Variants in ZC2HC1B observed in about 807,000 individuals in gnomAD.
The protein encoded by ZC2HC1B is zinc finger C2HC domain-containing protein 1B.
In ZC2HC1B, 36 loss-of-function variants were observed where a neutral mutation model predicts 31.0. The ratio of observed to expected loss-of-function variants is 1.16; its 90% CI spans 0.89 to 1.54. The LOEUF (loss-of-function observed/expected upper bound fraction) is 1.54. ZC2HC1B is among the 40% of genes most tolerant of loss of function. ZC2HC1B has a pLI of 0.00. For missense variants in ZC2HC1B, 260 were observed against 268.6 expected, an observed-to-expected ratio of 0.97 and a Z score of 0.22; for synonymous variants, 73 against 88.0, an observed-to-expected ratio of 0.83 and a Z score of 0.95.
Position 143,937,744 on chromosome 6 carries a change from A to G in ZC2HC1B, c.*14+11A>G, listed in dbSNP as rs45560534. 55,064 of 1,533,600 alleles carry G rather than the reference A, an allele frequency of 0.036. 1,189 individuals carry two copies. The highest frequency in any genetic ancestry group is 0.081 in the Middle Eastern group (482 of 5,936). The allele number at this position is 1,533,600 out of a possible 1,614,324, so 95.0% of individuals were successfully genotyped here. Reference sequence around the variant, plus strand: ...ACTCCTAGAAGCCAGGTAAGAAAAAAAAATCACCGCTAATCCAGCTGTTGC... The same window carrying G: ...ACTCCTAGAAGCCAGGTAAGAAAAAGAAATCACCGCTAATCCAGCTGTTGC... On this transcript the variant is annotated intron_variant, in intron 7 of 7. Transcript: ENST00000237275.
At chr6:143,896,286 G>A (rs1400692843) in intron 4 of ZC2HC1B, among the ~76,000 whole-genome samples, 3 of 152,208 alleles carry the variant, frequency 2.0e-5, no homozygotes, top group African/African-American at 7.2e-5. Flanking sequence ...ACAGAAGGGT[G>A]GCAGTGAGTG....
chr6:143,893,981 C>A (rs188406038), intron 4 of ZC2HC1B, among the ~76,000 whole-genome samples: 1 of 152,112 alleles, frequency 6.6e-6, no homozygotes, highest in East Asian at 1.9e-4. Context: ...CCACCGCGCC[C>A]GGCCTGCACT....
At position 143,869,282 on chromosome 6, in the gene ZC2HC1B, T is replaced by C. The variant is rs1251091430; in HGVS notation, c.28+4715T>C. On this transcript the variant is annotated intron_variant, in intron 1 of 7. Coordinates refer to ENST00000237275, the MANE Select transcript of ZC2HC1B (RefSeq NM_001013623.3). This position sits in a 1 kb window ranked among gnomAD's most constrained non-coding sequence, Gnocchi z 5.2. ...ACTCTTCCTTACCTCTGTTGTGGAG[T>C]AGTAGAGCATACACGATCTTCTGGA... 6.6e-6 allele frequency among the ~76,000 whole-genome samples: 1 copy of C among 152,122 alleles called. No individual in the cohort carries two copies. The highest frequency in any genetic ancestry group is 1.5e-5 in the Non-Finnish European group (1 of 68,018).
intron 1 of ZC2HC1B, among the ~76,000 whole-genome samples, chr6:143,874,747 C>T (rs902006634): frequency 6.6e-6 from 1 of 152,204 alleles, no homozygotes; most frequent in African/African-American, 2.4e-5. Flanking sequence ...CCTCCCACAA[C>T]ATGTGGTAAT....
In ZC2HC1B at chr6:143,886,606, A is replaced by C; in HGVS notation, c.211-77A>C. The C allele has an allele frequency of 7.5e-7, 1 of 1,329,396 alleles. No individual in the cohort carries two copies. The highest frequency in any genetic ancestry group is 9.7e-7 in the Non-Finnish European group (1 of 1,025,946). 82.4% of individuals were successfully genotyped at this position (1,329,396 alleles called of 1,614,324 possible). A position where few individuals can be genotyped will look rare whatever the true frequency, so the allele number is the denominator to read the frequency against. On this transcript the variant is annotated intron_variant, in intron 3 of 7. Transcript: ENST00000237275. The surrounding 1 kb of genome is among the most constrained non-coding windows in gnomAD (Gnocchi z 4.2). Reference sequence around the variant, plus strand: ...TCACAGTTCTGTTTCCTGTGAATTCAAATTCCAGCTTTAAACAAAATTGTA... The same window carrying C: ...TCACAGTTCTGTTTCCTGTGAATTCCAATTCCAGCTTTAAACAAAATTGTA...
chr6:143,900,111 TG>T (rs1182480557), intron 5 of ZC2HC1B, among the ~76,000 whole-genome samples: 1 of 151,974 alleles, frequency 6.6e-6, no homozygotes, highest in East Asian at 1.9e-4. Context: ...TACAGGGTGC[TG>T]GGTGTGGTGG....
In ZC2HC1B at chr6:143,886,884, C is replaced by G; in HGVS notation, c.349+63C>G. ...TGACTTTTGACCAAATCATCATGCC[C>G]TCTATGCACTCTGAAATTGACAATA... is the stretch of plus-strand genomic sequence containing the variant. On this transcript the variant is annotated intron_variant, in intron 4 of 7. Coordinates refer to ENST00000237275, the MANE Select transcript of ZC2HC1B (RefSeq NM_001013623.3). The surrounding 1 kb of genome is among the most constrained non-coding windows in gnomAD (Gnocchi z 4.2). The G allele has an allele frequency of 1.5e-6, 2 of 1,302,036 alleles. No individual in the cohort carries two copies. The highest frequency in any genetic ancestry group is 2.0e-6 in the Non-Finnish European group (2 of 1,001,438). The allele number at this position is 1,302,036 out of a possible 1,614,324, so 80.7% of individuals were successfully genotyped here. A position where few individuals can be genotyped will look rare whatever the true frequency, so the allele number is the denominator to read the frequency against.
At chr6:143,936,271 G>A (rs1778176942) in intron 6 of ZC2HC1B, among the ~76,000 whole-genome samples, 1 of 152,122 alleles carries the variant, frequency 6.6e-6, no homozygotes, top group African/African-American at 2.4e-5. Flanking sequence ...ACTGGCGTAT[G>A]AACTCATTTA....
At chr6:143,931,338 T>C (rs1778116105) in intron 6 of ZC2HC1B, among the ~76,000 whole-genome samples, 1 of 152,232 alleles carries the variant, frequency 6.6e-6, no homozygotes, top group Non-Finnish European at 1.5e-5. Flanking sequence ...TACTGTTTTA[T>C]TCTTCATGCT....
chr6:143,912,226 G>A (rs1386650601), intron 6 of ZC2HC1B, among the ~76,000 whole-genome samples: 1 of 152,056 alleles, frequency 6.6e-6, no homozygotes, highest in Non-Finnish European at 1.5e-5. Flanking sequence ...TTTTATCTCA[G>A]CGAAGTTTAT....
intron 6 of ZC2HC1B, among the ~76,000 whole-genome samples, chr6:143,906,810 A>T (rs993735503): frequency 6.6e-6 from 1 of 151,616 alleles, no homozygotes; most frequent in Admixed American, 6.6e-5. Flanking sequence ...GTTCAGGGGT[A>T]CATGTGCAGG....
rs887167109 is a variant in ZC2HC1B at position 143,911,045 on chromosome 6, G to A, written c.598+7893G>A. Reference sequence around the variant, plus strand: ...TAGGATTACAGGCATGAGCCACTGCGCCCAGCCCTTTGTTGGTTTAAAGCC... The same window carrying A: ...TAGGATTACAGGCATGAGCCACTGCACCCAGCCCTTTGTTGGTTTAAAGCC... On this transcript the variant is annotated intron_variant, in intron 6 of 7. Coordinates refer to ENST00000237275, the MANE Select transcript of ZC2HC1B (RefSeq NM_001013623.3). This position sits in a 1 kb window ranked among gnomAD's most constrained non-coding sequence, Gnocchi z 4.5. Among the ~76,000 whole-genome samples the A allele has an allele frequency of 2.6e-5, 4 of 152,126 alleles. No individual in the cohort carries two copies. Among genetic ancestry groups the A allele is most frequent in the Non-Finnish European group, 4.4e-5 (3 of 68,018 alleles).
Position 143,886,272 on chromosome 6 carries a change from A to G in ZC2HC1B, c.210+121A>G. ...CAGTAATGTAATGTAACTGTAATCC[A>G]CCTTTACTTTTTTCTTTATAATCTT... On this transcript the variant is annotated intron_variant, in intron 3 of 7. Transcript: ENST00000237275. This position sits in a 1 kb window ranked among gnomAD's most constrained non-coding sequence, Gnocchi z 4.2. The G allele has an allele frequency of 9.0e-7, 1 of 1,116,284 alleles. No individual in the cohort carries two copies. Among genetic ancestry groups the G allele is most frequent in the Non-Finnish European group, 1.2e-6 (1 of 865,082 alleles). The allele number at this position is 1,116,284 out of a possible 1,614,324, so 69.1% of individuals were successfully genotyped here. A position where few individuals can be genotyped will look rare whatever the true frequency, so the allele number is the denominator to read the frequency against.
rs1424990506 is a variant in ZC2HC1B, at chr6:143,884,718, A to T, written c.90+353A>T. On this transcript the variant is annotated intron_variant, in intron 2 of 7. Transcript: ENST00000237275. This position sits in a 1 kb window ranked among gnomAD's most constrained non-coding sequence, Gnocchi z 5.1. ...GGAAATTAGCTAGTCAAGAGGAATG[A>T]GCATTGAATTTTAGACATCTGGAAA... Among the ~76,000 whole-genome samples the T allele has an allele frequency of 6.6e-6, 1 of 152,230 alleles. No homozygotes were observed. Among genetic ancestry groups the T allele is most frequent in the Non-Finnish European group, 1.5e-5 (1 of 68,038 alleles).
rs1778153930 is a variant in ZC2HC1B at position 143,934,382 on chromosome 6, C to T, written c.599-3267C>T. On this transcript the variant is annotated intron_variant, in intron 6 of 7. Transcript: ENST00000237275. The surrounding 1 kb of genome is among the most constrained non-coding windows in gnomAD (Gnocchi z 4.6). ...CTTATCAGCCCTGTCCCCTATCTGCCATCTTCCCTCTCTTTCAATATGCTT... is the reference window on the plus strand; with the variant it reads ...CTTATCAGCCCTGTCCCCTATCTGCTATCTTCCCTCTCTTTCAATATGCTT... 6.6e-6 allele frequency among the ~76,000 whole-genome samples: 1 copy of T among 152,146 alleles called. No individual in the cohort carries two copies. Among genetic ancestry groups the T allele is most frequent in the South Asian group, 2.1e-4 (1 of 4,820 alleles).
chr6:143,926,742 T>C (rs1379773206), intron 6 of ZC2HC1B, among the ~76,000 whole-genome samples: 1 of 151,906 alleles, frequency 6.6e-6, no homozygotes, highest in Non-Finnish European at 1.5e-5. Context: ...TATTGGAGTC[T>C]ATCTCTCCCT....
At chr6:143,912,538 C>T (rs1033499942) in intron 6 of ZC2HC1B, among the ~76,000 whole-genome samples, 3 of 152,144 alleles carry the variant, frequency 2.0e-5, no homozygotes. Context: ...CCACTCTAAA[C>T]CTTAGTTTTC....
At position 143,898,630 on chromosome 6, in the gene ZC2HC1B, A is replaced by G. The variant is rs1308895508; in HGVS notation, c.428A>G (p.Gln143Arg). The part of the protein sequence containing the change: ...AERHTNFCKD[Q>R]SSRRVFNPAQ... ...CGACATACTAATTTCTGCAAGGATC[A>G]GTCTTCTCGCCGAGTCTTTAATCCA... Residue 143 changes from glutamine (Q) to arginine (R), a missense_variant, in exon 5 of 8, where the codon CAG (glutamine) becomes CGG (arginine). Coordinates refer to ENST00000237275, the MANE Select transcript of ZC2HC1B (RefSeq NM_001013623.3). The G allele has an allele frequency of 1.6e-5, 25 of 1,551,866 alleles. 1 individual carries two copies. In the Admixed American group the frequency reaches 3.5e-4, roughly 22 times the overall value.
In ZC2HC1B at chr6:143,898,661, G is replaced by T; in HGVS notation, c.459G>T (p.Gln153His). Residue 153 changes from glutamine (Q) to histidine (H), a missense_variant, in exon 5 of 8, where the codon CAG becomes CAT. Gln to His is a conservative substitution (Grantham distance 24). Coordinates refer to ENST00000237275, the MANE Select transcript of ZC2HC1B (RefSeq NM_001013623.3). ...CTCGCCGAGTCTTTAATCCAGCTCA[G>T]ACAGCAGCCAAATTGGCATCCAGAG... ...QSSRRVFNPA[Q>H]TAAKLASRAQ... The T allele has an allele frequency of 6.4e-7, 1 of 1,552,078 alleles. No homozygotes were observed. The highest frequency in any genetic ancestry group is 2.4e-5 in the East Asian group (1 of 40,928).
Sources: gnomAD v4.1 joint callset for allele counts (sites outside exome capture counted in the v4.1 genomes callset) on GRCh38, gnomAD v4.1.1 for gene constraint, Gnocchi (gnomAD v3.1) non-coding constraint, MANE v1.5 for transcripts, NCBI Gene and HGNC (gene_info 2026-07-23, HGNC 2026-07-21) for gene names.